The following ELAVL1 variants were observed in gnomAD, a reference collection of about 807,000 sequenced individuals.
ELAVL1 encodes the protein ELAV-like protein 1.
A neutral mutation model predicts 28.4 loss-of-function variants in ELAVL1; 1 was observed. That is an observed-to-expected ratio of 0.04 (90% CI 0.01 to 0.17). The LOEUF is 0.17. Ranked by LOEUF, ELAVL1 falls within the 10% of genes least tolerant of loss-of-function variation. The pLI is 1.00. For synonymous variants in ELAVL1, 174 were observed against 183.5 expected (o/e 0.95, Z 0.42); for missense variants, 157 against 447.2 (o/e 0.35, Z 5.85).
At chr19:7,973,588 G>A (rs1326260222) in intron 4 of ELAVL1, 137 bp downstream of exon 4, 6 of 1,124,252 alleles carry the variant, frequency 5.3e-6, no homozygotes, top group East Asian at 5.1e-5. Context: ...CAAAGCCAAC[G>A]TCTTCTCATT....
rs1256352057 is a variant in ELAVL1 at position 7,962,000 on chromosome 19, G to A, written c.*1483C>T. 1.3e-5 allele frequency: 2 copies of A among 153,338 alleles called. No homozygotes were observed. Among genetic ancestry groups the A allele is most frequent in the Non-Finnish European group, 2.9e-5 (2 of 68,028 alleles). The allele number at this position is 153,338 out of a possible 1,614,324, so 9.5% of individuals were successfully genotyped here. On this transcript the variant is annotated 3_prime_UTR_variant, in exon 6 of 6. Coordinates refer to ENST00000407627, the MANE Select transcript of ELAVL1 (RefSeq NM_001419.3). ...TGTTTGTGATTCTCTCTGTAAACTA[G>A]TTATTTATAAACGCCAGATCCCAGT... is the stretch of plus-strand genomic sequence containing the variant.
At chr19:7,988,253 A>T (rs552046866) in intron 2 of ELAVL1, among the ~76,000 whole-genome samples, 25 of 152,268 alleles carry the variant, frequency 1.6e-4, no homozygotes, top group Admixed American at 1.6e-3. Context: ...CAGGTCAGTT[A>T]GGAATATACT....
chr19:7,970,450 C>T (rs997070811), intron 4 of ELAVL1, among the ~76,000 whole-genome samples: 10 of 152,234 alleles, frequency 6.6e-5, no homozygotes, highest in African/African-American at 1.9e-4. Context: ...CCACCGTGCC[C>T]GGCCTATTTT....
chr19:8,004,080 T>C (rs187839855), intron 1 of ELAVL1, among the ~76,000 whole-genome samples: 1 of 152,256 alleles, frequency 6.6e-6, no homozygotes, highest in East Asian at 1.9e-4. Context: ...ATCTCTAAAA[T>C]GGAAATTAAT....
Position 7,974,561 on chromosome 19 carries a change from C to A in ELAVL1, c.277-683G>T, listed in dbSNP as rs113484143. Among the ~76,000 whole-genome samples, 280 of 152,278 alleles carry A rather than the reference C, an allele frequency of 1.8e-3. 1 individual carries two copies. Among genetic ancestry groups the A allele is most frequent in the African/African-American group, 6.5e-3 (268 of 41,544 alleles). On this transcript the variant is annotated intron_variant, in intron 3 of 5. Coordinates refer to ENST00000407627, the MANE Select transcript of ELAVL1 (RefSeq NM_001419.3). The stretch of plus-strand genomic sequence containing the variant: ...TCTTCGGTGCTTTCTCAGGTTGGCG[C>A]TGACGGCCGTGCAGACCCCATGGGC...
chr19:7,974,645 A>G (rs1462290098), intron 3 of ELAVL1, among the ~76,000 whole-genome samples: 1 of 152,196 alleles, frequency 6.6e-6, no homozygotes, highest in Non-Finnish European at 1.5e-5. Context: ...GCAGCCTGGC[A>G]GGACTCACAG....
At position 7,991,898 on chromosome 19, in the gene ELAVL1, T is replaced by G. The variant is rs117804233; in HGVS notation, c.-16-67A>C. On this transcript the variant is annotated intron_variant, in intron 1 of 5. Coordinates refer to ENST00000407627, the MANE Select transcript of ELAVL1 (RefSeq NM_001419.3). ...TTGCAGTATATGAAGGCAAAACTAG[T>G]AACTGCATTTGCACTTAGAGATTTT... is the stretch of plus-strand genomic sequence containing the variant. 1.1e-3 allele frequency: 1,326 copies of G among 1,227,042 alleles called. 13 individuals are homozygous for G. In the African/African-American group the frequency reaches 0.015, roughly 14 times the overall value. The allele number at this position is 1,227,042 out of a possible 1,614,324, so 76.0% of individuals were successfully genotyped here. A position where few individuals can be genotyped will look rare whatever the true frequency, so the allele number is the denominator to read the frequency against.
At chr19:7,966,134 C>A (rs1984950731) in intron 5 of ELAVL1, among the ~76,000 whole-genome samples, 1 of 152,058 alleles carries the variant, frequency 6.6e-6, no homozygotes. Flanking sequence ...GAGTTTAAGA[C>A]CAGCCTGGGC....
At chr19:7,976,925 T>G (rs2145209439) in intron 3 of ELAVL1, among the ~76,000 whole-genome samples, 1 of 151,758 alleles carries the variant, frequency 6.6e-6, no homozygotes, top group South Asian at 2.1e-4. Context: ...TGGGCTCAAG[T>G]GATCCTCCTG....
At chr19:7,987,118 G>T (rs1400281340) in intron 2 of ELAVL1, among the ~76,000 whole-genome samples, 15 of 89,644 alleles carry the variant, frequency 1.7e-4, no homozygotes, top group Non-Finnish European at 3.4e-4. Flanking sequence ...GGGGGTGCCG[G>T]GGGGGGGGGA....
At chr19:7,980,782 A>G (rs1985439343) in intron 3 of ELAVL1, among the ~76,000 whole-genome samples, 1 of 152,190 alleles carries the variant, frequency 6.6e-6, no homozygotes, top group South Asian at 2.1e-4. Context: ...CAGAGGGAGC[A>G]CTGGGCAGGC....
intron 2 of ELAVL1, among the ~76,000 whole-genome samples, chr19:7,985,282 G>C (rs140498210): frequency 6.6e-6 from 1 of 152,322 alleles, no homozygotes; most frequent in East Asian, 1.9e-4. Context: ...GGCTTCCCAT[G>C]GTTATGCAGA....
At chr19:7,989,350 GCC>G (rs1985693807) in intron 2 of ELAVL1, among the ~76,000 whole-genome samples, 1 of 152,178 alleles carries the variant, frequency 6.6e-6, no homozygotes, top group Non-Finnish European at 1.5e-5. Context: ...CTCCTGGTGC[GCC>G]AGTTACTAAC....
chr19:7,984,596 G>A (rs533882784), intron 2 of ELAVL1, among the ~76,000 whole-genome samples: 1 of 152,304 alleles, frequency 6.6e-6, no homozygotes, highest in Non-Finnish European at 1.5e-5. Flanking sequence ...GGGCAGTAGA[G>A]GAATGCCCCA....
chr19:7,966,982 C>CT (rs958176384), intron 5 of ELAVL1, among the ~76,000 whole-genome samples: 2 of 151,976 alleles, frequency 1.3e-5, no homozygotes, highest in African/African-American at 2.4e-5. Context: ...TGCTGAAGCT[C>CT]TAAGTGCTCA....
chr19:7,988,143 A>C lies in ELAVL1; in HGVS notation c.172+3501T>G, dbSNP rs956271980. On this transcript the variant is annotated intron_variant, in intron 2 of 5. Transcript: ENST00000407627. Reference sequence around the variant, plus strand: ...GCAACACCCAGGAGGATGAGAGCCAAGGACACGCCTAGATTTCTGAGCAGA... The same window carrying C: ...GCAACACCCAGGAGGATGAGAGCCACGGACACGCCTAGATTTCTGAGCAGA... Among the ~76,000 whole-genome samples the C allele has an allele frequency of 2.0e-5, 3 of 152,344 alleles. No individual in the cohort carries two copies. In the South Asian group the frequency reaches 6.2e-4, roughly 32 times the overall value.
chr19:7,987,417 G>A (rs375955207), intron 2 of ELAVL1, among the ~76,000 whole-genome samples: 173 of 152,262 alleles, frequency 1.1e-3, no homozygotes, highest in African/African-American at 4.1e-3. Context: ...AAGGCAGCGG[G>A]CAGGACCACC....
chr19:7,967,453 G>C (rs143110565), intron 5 of ELAVL1, 112 bp downstream of exon 5: 1 of 1,191,636 alleles, frequency 8.4e-7, no homozygotes, highest in Admixed American at 2.6e-5. Context: ...TCTGAAACGC[G>C]CTCTCTGACG....
chr19:7,973,689 A>C (rs750687577), intron 4 of ELAVL1, 36 bp downstream of exon 4: 2 of 1,594,646 alleles, frequency 1.3e-6, no homozygotes, highest in South Asian at 2.2e-5. Flanking sequence ...CCACCTAGAG[A>C]ACACCCTCCC....
Sources: gnomAD v4.1 joint callset for allele counts (sites outside exome capture counted in the v4.1 genomes callset) on GRCh38, gnomAD v4.1.1 for gene constraint, MANE v1.5 for transcripts, NCBI Gene and HGNC (gene_info 2026-07-23, HGNC 2026-07-21) for gene names.